The following ENTHD1 variants were observed in gnomAD, a reference collection of about 807,000 sequenced individuals.
ENTHD1 encodes the protein ENTH domain-containing protein 1.
Under a neutral mutation model 39.1 loss-of-function variants are expected in ENTHD1, and 23 were observed. The ratio of observed to expected loss-of-function variants is 0.59; its 90% CI spans 0.42 to 0.83. ENTHD1 has a LOEUF of 0.83. Among genes scored for constraint, ENTHD1 ranks in the 40% least tolerant of loss-of-function variants. The pLI, the probability that ENTHD1 is intolerant of heterozygous loss-of-function variation, is 0.00. For synonymous variants in ENTHD1, 230 were observed against 258.2 expected (o/e 0.89, Z 1.05); for missense variants, 624 against 705.4 (o/e 0.88, Z 1.31).
chr22:39,854,319 T>TCCA (rs1160498516), intron 3 of ENTHD1, among the ~76,000 whole-genome samples: 1 of 152,222 alleles, frequency 6.6e-6, no homozygotes, highest in Non-Finnish European at 1.5e-5. Context: ...CAATGATAGT[T>TCCA]TTCAGGGAAA....
chr22:39,757,272 T>C (rs2065192288), intron 6 of ENTHD1, among the ~76,000 whole-genome samples: 1 of 152,138 alleles, frequency 6.6e-6, no homozygotes, highest in South Asian at 2.1e-4. Flanking sequence ...TTATTTATTA[T>C]TGTTGTTTGT....
chr22:39,878,783 A>G (rs2066311149), intron 2 of ENTHD1, among the ~76,000 whole-genome samples: 1 of 152,084 alleles, frequency 6.6e-6, no homozygotes, highest in Non-Finnish European at 1.5e-5. Flanking sequence ...TGAAAATAAA[A>G]ACTTTCTTAT....
chr22:39,862,101 C>T (rs2066146779), intron 2 of ENTHD1, 94 bp from the exon 3 acceptor site: 1 of 1,046,510 alleles, frequency 9.6e-7, no homozygotes, highest in Non-Finnish European at 1.3e-6. Flanking sequence ...AAATAAAAAT[C>T]TCAGCAGTGA....
At chr22:39,822,952 T>C (rs957183934) in intron 4 of ENTHD1, among the ~76,000 whole-genome samples, 2 of 152,218 alleles carry the variant, frequency 1.3e-5, no homozygotes, top group Non-Finnish European at 2.9e-5. Flanking sequence ...ATACTCAGGA[T>C]ATTGACATTG....
chr22:39,847,889 C>T (rs906282033), intron 3 of ENTHD1, among the ~76,000 whole-genome samples: 5 of 152,192 alleles, frequency 3.3e-5, no homozygotes, highest in African/African-American at 9.6e-5. Context: ...TTTATTATCT[C>T]GCAGTTCTGT....
intron 6 of ENTHD1, among the ~76,000 whole-genome samples, chr22:39,762,234 T>G (rs2065239917): frequency 6.6e-6 from 1 of 152,100 alleles, no homozygotes; most frequent in African/African-American, 2.4e-5. Flanking sequence ...TGGGAAGAGT[T>G]TATACACAAA....
chr22:39,852,590 T>G (rs2066051476), intron 3 of ENTHD1, among the ~76,000 whole-genome samples: 1 of 152,226 alleles, frequency 6.6e-6, no homozygotes, highest in Non-Finnish European at 1.5e-5. Context: ...TAGAGCTTAC[T>G]ATACACCTGG....
intron 5 of ENTHD1, among the ~76,000 whole-genome samples, chr22:39,806,011 G>T (rs2065637534): frequency 6.6e-6 from 1 of 152,102 alleles, no homozygotes; most frequent in African/African-American, 2.4e-5. Context: ...TCTGCTCTCT[G>T]CCCTCTAGCC....
intron 6 of ENTHD1, among the ~76,000 whole-genome samples, chr22:39,748,985 CT>C (rs1948448593): frequency 6.6e-6 from 1 of 152,194 alleles, no homozygotes; most frequent in Non-Finnish European, 1.5e-5. Context: ...CCACTGCTTT[CT>C]ACTATTTAGC....
Position 39,743,920 on chromosome 22 carries a change from G to C in ENTHD1, c.1583C>G (p.Ser528Cys). Reference protein sequence around the residue: ...TQNVDQFIPLSCSGFQSTKDF... With the variant: ...TQNVDQFIPLCCSGFQSTKDF... ...TTTGGTTGACTGAAAACCAGAACAG[G>C]ACAGAGGGATGAACTGGTCTACATT... The change falls in exon 7 of 7, where the codon TCC becomes TGC. Residue 528 changes from serine (S) to cysteine (C), a missense_variant. Transcript: ENST00000325157. 2.5e-6 allele frequency: 4 copies of C among 1,614,144 alleles called. No individual in the cohort carries two copies. The highest frequency in any genetic ancestry group is 3.4e-6 in the Non-Finnish European group (4 of 1,180,008).
intron 2 of ENTHD1, among the ~76,000 whole-genome samples, chr22:39,865,681 C>T (rs192663531): frequency 1.3e-5 from 2 of 152,238 alleles, no homozygotes; most frequent in East Asian, 3.9e-4. Flanking sequence ...AAGGATATTA[C>T]ATAAAACACA....
intron 5 of ENTHD1, among the ~76,000 whole-genome samples, chr22:39,804,916 G>A (rs1242793414): frequency 1.3e-5 from 2 of 149,996 alleles, no homozygotes; most frequent in South Asian, 2.2e-4. Context: ...CTCCATATAA[G>A]CTTCTAGCCC....
At chr22:39,757,676 C>CA (rs111996926) in intron 6 of ENTHD1, among the ~76,000 whole-genome samples, 40 of 145,982 alleles carry the variant, frequency 2.7e-4, no homozygotes, top group Admixed American at 6.1e-4. Flanking sequence ...AACTCCATCT[C>CA]AAAAAAAAAA....
Position 39,756,574 on chromosome 22 carries a change from C to T in ENTHD1, c.1219+8649G>A, listed in dbSNP as rs551257231. Among the ~76,000 whole-genome samples the T allele has an allele frequency of 3.0e-4, 45 of 152,220 alleles. 1 individual carries two copies. Among genetic ancestry groups the T allele is most frequent in the African/African-American group, 7.7e-4 (32 of 41,552 alleles). On this transcript the variant is annotated intron_variant, in intron 6 of 6. Transcript: ENST00000325157. ...TCTTGAACTCCTGACCTCAAGTGAT[C>T]CTCCTGCCTTGGCCTCCCAAAGTGC...
intron 1 of ENTHD1, among the ~76,000 whole-genome samples, chr22:39,892,493 A>G (rs2066434291): frequency 6.6e-6 from 1 of 152,282 alleles, no homozygotes; most frequent in South Asian, 2.1e-4. Flanking sequence ...ACAATTAAAC[A>G]CATTAACATG....
chr22:39,775,879 G>GACTCCTAGA, intron 5 of ENTHD1, among the ~76,000 whole-genome samples: 1 of 152,112 alleles, frequency 6.6e-6, no homozygotes, highest in Admixed American at 6.5e-5. Flanking sequence ...ATGGAGAACT[G>GACTCCTAGA]CAATGAATAC....
In ENTHD1 at chr22:39,821,043, G is replaced by A; in HGVS notation, c.782C>T (p.Pro261Leu). 1 of 1,614,036 alleles carries A rather than the reference G, an allele frequency of 6.2e-7. No individual in the cohort carries two copies. Among genetic ancestry groups the A allele is most frequent in the South Asian group, 1.1e-5 (1 of 91,074 alleles). Residue 261 changes from proline (P) to leucine (L), a missense_variant, in exon 5 of 7, where the codon CCA (proline) becomes CTA (leucine). Transcript: ENST00000325157. ...TTCTGCTTCTGACAAGCAAGTGATTGGAGAGACAATGGAAGGAGGTGTTGC... is the reference window on the plus strand; with the variant it reads ...TTCTGCTTCTGACAAGCAAGTGATTAGAGAGACAATGGAAGGAGGTGTTGC... ...LLATPPSIVSPITCLSEAEEV... is the reference protein window; with the variant it reads ...LLATPPSIVSLITCLSEAEEV...
chr22:39,803,863 C>T (rs1465822160), intron 5 of ENTHD1, among the ~76,000 whole-genome samples: 3 of 152,122 alleles, frequency 2.0e-5, no homozygotes, highest in Non-Finnish European at 2.9e-5. Context: ...AGTGTTTCAA[C>T]AAAGAATCAA....
intron 5 of ENTHD1, among the ~76,000 whole-genome samples, chr22:39,776,016 A>G (rs2065362919): frequency 6.6e-6 from 1 of 151,894 alleles, no homozygotes; most frequent in African/African-American, 2.4e-5. Context: ...CCTCCCAAGT[A>G]GCTGAGGACC....
Sources: gnomAD v4.1 joint callset for allele counts (sites outside exome capture counted in the v4.1 genomes callset) on GRCh38, gnomAD v4.1.1 for gene constraint, MANE v1.5 for transcripts, NCBI Gene and HGNC (gene_info 2026-07-23, HGNC 2026-07-21) for gene names.